The following RNF125 variants were observed in gnomAD, a reference collection of about 807,000 sequenced individuals.
RNF125 encodes ring finger protein 125, also known as E3 ubiquitin-protein ligase RNF125.
RNF125 carries 21 observed loss-of-function variants against 26.0 expected under a neutral mutation model. The ratio of observed to expected loss-of-function variants is 0.81; its 90% confidence interval spans 0.57 to 1.16. RNF125 has a LOEUF of 1.16. Among genes scored for constraint, RNF125 ranks in the 50% most tolerant of loss-of-function variants. The pLI, the probability that RNF125 is intolerant of heterozygous loss-of-function variation, is 0.00. For synonymous variants in RNF125, 95 were observed against 109.2 expected, an observed-to-expected ratio of 0.87 and a Z score of 0.81; for missense variants, 270 against 299.4, an observed-to-expected ratio of 0.90 and a Z score of 0.72.
At chr18:32,033,492 T>C (rs1178501379) in intron 1 of RNF125, among the ~76,000 whole-genome samples, 2 of 148,616 alleles carry the variant, frequency 1.3e-5, no homozygotes, top group African/African-American at 5.0e-5. Context: ...GCCATTGCAC[T>C]CCAGCCTGGG....
At chr18:32,040,283 T>TG in intron 2 of RNF125, among the ~76,000 whole-genome samples, 1 of 146,568 alleles carries the variant, frequency 6.8e-6, no homozygotes, top group Non-Finnish European at 1.5e-5. Flanking sequence ...TTTTTTTTTT[T>TG]TTTTTTGAGA....
chr18:32,050,498 AT>A (rs915852959), intron 4 of RNF125, among the ~76,000 whole-genome samples: 1 of 151,876 alleles, frequency 6.6e-6, no homozygotes, highest in Admixed American at 6.6e-5. Flanking sequence ...TTTAATTATT[AT>A]TTTTTTATTT....
At chr18:32,041,822 G>C in intron 2 of RNF125, 1 of 94,130 alleles carries the variant, frequency 1.1e-5, no homozygotes, top group Admixed American at 1.2e-4. Flanking sequence ...AGTAGAGACG[G>C]GGTTTCACCG....
intron 1 of RNF125, among the ~76,000 whole-genome samples, chr18:32,025,099 T>C (rs925843931): frequency 2.8e-4 from 43 of 152,130 alleles, no homozygotes; most frequent in African/African-American, 1.0e-3. Flanking sequence ...CCTAGCTTGA[T>C]TTACCAAAGA....
At chr18:32,033,593 T>G (rs964711472) in intron 1 of RNF125, among the ~76,000 whole-genome samples, 2 of 142,536 alleles carry the variant, frequency 1.4e-5, no homozygotes, top group African/African-American at 5.3e-5. Flanking sequence ...GGCCGAGGAG[T>G]GCGGATCACC....
At chr18:32,047,261 A>G (rs1047723394) in intron 4 of RNF125, among the ~76,000 whole-genome samples, 3 of 152,138 alleles carry the variant, frequency 2.0e-5, no homozygotes, top group African/African-American at 7.2e-5. Flanking sequence ...GATGGTCTCG[A>G]TCTTCTGACC....
At chr18:32,079,845 G>C in the RNF125 span, among the ~76,000 whole-genome samples, 1 of 152,138 alleles carries the variant, frequency 6.6e-6, no homozygotes, top group South Asian at 2.1e-4. Flanking sequence ...TCATTTTAAA[G>C]CTATAGTGCT....
chr18:32,031,486 G>GAAAA (rs745809061), intron 1 of RNF125: 709 of 20,960 alleles, frequency 0.034, 102 homozygotes, highest in African/African-American at 0.076. Flanking sequence ...CAAATTGTGG[G>GAAAA]AAAAAAAAAA....
At chr18:32,085,850 G>C in the RNF125 span, among the ~76,000 whole-genome samples, 1 of 151,860 alleles carries the variant, frequency 6.6e-6, no homozygotes, top group Admixed American at 6.6e-5. Flanking sequence ...ATAAGAGTCA[G>C]CTCCAACAAA....
intron 3 of RNF125, among the ~76,000 whole-genome samples, chr18:32,044,108 G>A (rs1262782553): frequency 6.6e-6 from 1 of 152,040 alleles, no homozygotes; most frequent in Non-Finnish European, 1.5e-5. Context: ...CCGGGTTCAA[G>A]CGATTCTCCT....
intron 1 of RNF125, among the ~76,000 whole-genome samples, chr18:32,032,125 G>A (rs1202421937): frequency 2.0e-5 from 3 of 152,078 alleles, no homozygotes; most frequent in Non-Finnish European, 4.4e-5. Context: ...CACCCAGGCT[G>A]GAGTGCAGTG....
At position 32,027,277 on chromosome 18, in the gene RNF125, G is replaced by T. The variant is rs558214796; in HGVS notation, c.164+8250G>T. On this transcript the variant is annotated intron_variant, in intron 1 of 5. Transcript: ENST00000217740. ...AAATTTCATAAGGAATCTAAAGCATGCAATTTGAGTACAAAGGATTTTAAC... is the reference window on the plus strand; with the variant it reads ...AAATTTCATAAGGAATCTAAAGCATTCAATTTGAGTACAAAGGATTTTAAC... 2.7e-5 allele frequency among the ~76,000 whole-genome samples: 4 copies of T among 149,982 alleles called. No homozygotes were observed. The South Asian group carries it at 8.5e-4, about 32-fold the overall frequency.
At chr18:32,061,306 G>A (rs192369815) in intron 4 of RNF125, among the ~76,000 whole-genome samples, 1 of 152,184 alleles carries the variant, frequency 6.6e-6, no homozygotes, top group African/African-American at 2.4e-5. Context: ...TTACAGGCGT[G>A]AGCCCCCGTG....
At chr18:32,049,893 G>A (rs536501267) in intron 4 of RNF125, among the ~76,000 whole-genome samples, 1 of 152,098 alleles carries the variant, frequency 6.6e-6, no homozygotes, top group Non-Finnish European at 1.5e-5. Flanking sequence ...GGTATAGCTG[G>A]GGTTCACGTG....
the RNF125 span, among the ~76,000 whole-genome samples, chr18:32,086,679 C>T: frequency 6.6e-6 from 1 of 152,092 alleles, no homozygotes; most frequent in Non-Finnish European, 1.5e-5. Context: ...TGCCACCACA[C>T]CCAGCTAATT....
chr18:32,054,167 C>A (rs1055821912), intron 4 of RNF125, among the ~76,000 whole-genome samples: 1 of 147,418 alleles, frequency 6.8e-6, no homozygotes, highest in African/African-American at 2.5e-5. Context: ...GGTCTCGGCT[C>A]GGAGCAACCT....
chr18:32,068,434 T>A lies in RNF125; in HGVS notation c.*50T>A, dbSNP rs1278595072. On this transcript the variant is annotated 3_prime_UTR_variant, in exon 6 of 6. Transcript: ENST00000217740. ...GACCACTGAATTGCACCATTTAAGATGCTGCTTGAACAAATGGGAGGGAAG... is the reference window on the plus strand; with the variant it reads ...GACCACTGAATTGCACCATTTAAGAAGCTGCTTGAACAAATGGGAGGGAAG... The A allele has an allele frequency of 9.4e-7, 1 of 1,058,334 alleles. No individual in the cohort carries two copies. 65.6% of individuals were successfully genotyped at this position (1,058,334 alleles called of 1,614,324 possible).
chr18:32,045,059 G>A (rs778475459), intron 3 of RNF125, among the ~76,000 whole-genome samples: 4 of 151,244 alleles, frequency 2.6e-5, no homozygotes, highest in South Asian at 2.1e-4. Flanking sequence ...TGGAGGTTGC[G>A]GTGAGCCAAG....
downstream of RNF125, among the ~76,000 whole-genome samples, chr18:32,074,784 C>T (rs2039558559): frequency 6.6e-6 from 1 of 152,192 alleles, no homozygotes; most frequent in Non-Finnish European, 1.5e-5. Context: ...CTCAGATGAT[C>T]CGCCTGCCTT....
Sources: gnomAD v4.1 joint callset for allele counts (sites outside exome capture counted in the v4.1 genomes callset) on GRCh38, gnomAD v4.1.1 for gene constraint, MANE v1.5 for transcripts, NCBI Gene and HGNC (gene_info 2026-07-23, HGNC 2026-07-21) for gene names.